Variants in SNX27 observed in about 807,000 individuals in gnomAD.
SNX27 encodes sorting nexin 27, also known as sorting nexin-27.
SNX27 carries 22 observed loss-of-function variants against 71.6 expected under a neutral mutation model. The observed-to-expected ratio is 0.31, with a 90% CI of 0.22 to 0.44. SNX27 has a LOEUF of 0.44. Ranked by LOEUF, SNX27 falls within the 20% of genes least tolerant of loss-of-function variation. The pLI, the probability that SNX27 is intolerant of heterozygous loss-of-function variation, is 1.00. For synonymous variants in SNX27, 269 were observed against 277.2 expected, an observed-to-expected ratio of 0.97 and a Z score of 0.29; for missense variants, 531 against 698.6, an observed-to-expected ratio of 0.76 and a Z score of 2.70.
chr1:151,694,446 A>T lies in SNX27; in HGVS notation c.*29A>T. 1 of 1,538,548 alleles carries T rather than the reference A, an allele frequency of 6.5e-7. No homozygotes were observed. The highest frequency in any genetic ancestry group is 8.8e-7 in the Non-Finnish European group (1 of 1,139,840). ...TTCCTTATCCCCTTCCCTTCCCTTC[A>T]CCCCCATCCTCTTACTCCTTTCATG... On this transcript the variant is annotated 3_prime_UTR_variant, in exon 12 of 12. Coordinates refer to ENST00000458013, the MANE Select transcript of SNX27 (RefSeq NM_001330723.2).
At chr1:151,675,843 T>TTTA (rs1670672322) in intron 7 of SNX27, 1 of 117,566 alleles carries the variant, frequency 8.5e-6, no homozygotes, top group Non-Finnish European at 1.7e-5. Context: ...TTTTTTTTTT[T>TTTA]TTATATAGGC....
chr1:151,638,757 TG>T, intron 1 of SNX27, 130 bp from the exon 2 acceptor site: 1 of 831,576 alleles, frequency 1.2e-6, no homozygotes, highest in Non-Finnish European at 1.9e-6. Flanking sequence ...ACAACTTTTC[TG>T]GAACCAAATT....
chr1:151,675,016 GTCC>G (rs1670616805), intron 7 of SNX27, among the ~76,000 whole-genome samples: 1 of 152,090 alleles, frequency 6.6e-6, no homozygotes, highest in Non-Finnish European at 1.5e-5. Flanking sequence ...CTTTCGGTCA[GTCC>G]TCCTTATTTT....
intron 1 of SNX27, among the ~76,000 whole-genome samples, chr1:151,625,312 C>T (rs1435108743): frequency 2.0e-5 from 3 of 152,020 alleles, no homozygotes; most frequent in Non-Finnish European, 2.9e-5. Flanking sequence ...TCGAGACTAG[C>T]CTGGCCAACA....
In SNX27 at chr1:151,612,224, G is replaced by C; in HGVS notation, c.23G>C (p.Gly8Ala). 1.4e-6 allele frequency: 2 copies of C among 1,387,204 alleles called. No homozygotes were observed. The highest frequency in any genetic ancestry group is 1.9e-6 in the Non-Finnish European group (2 of 1,070,254). The allele number at this position is 1,387,204 out of a possible 1,614,324, so 85.9% of individuals were successfully genotyped here. ...AAGATGGCGGACGAGGACGGGGAAG[G>C]GATTCATCCCTCAGCCCCTCACAGG... Reference protein sequence around the residue: MADEDGEGIHPSAPHRNG... With the variant: MADEDGEAIHPSAPHRNG... The change falls in exon 1 of 12, where the codon GGG becomes GCG. Residue 8 changes from glycine (G) to alanine (A), a missense_variant. This residue lies in a region of SNX27 where 130 missense variants were observed against 143.5 expected (regional missense o/e 0.91). Transcript: ENST00000458013. This position sits in a 1 kb window ranked among gnomAD's most constrained non-coding sequence, Gnocchi z 5.2.
intron 8 of SNX27, chr1:151,685,390 T>C (rs1310826393): frequency 6.6e-6 from 1 of 152,034 alleles, no homozygotes; most frequent in African/African-American, 2.4e-5. Flanking sequence ...GGAATAAGAA[T>C]GCAAACAGCT....
intron 1 of SNX27, among the ~76,000 whole-genome samples, chr1:151,619,550 C>T (rs982432185): frequency 5.9e-5 from 9 of 152,108 alleles, no homozygotes; most frequent in Non-Finnish European, 1.0e-4. Context: ...ATCCGCTTGC[C>T]TCGGCTTCCC....
At chr1:151,688,070 A>G (rs1466452122) in intron 8 of SNX27, among the ~76,000 whole-genome samples, 1 of 152,162 alleles carries the variant, frequency 6.6e-6, no homozygotes, top group African/African-American at 2.4e-5. Flanking sequence ...CTCTGGCTTA[A>G]ATGGGCCACT....
chr1:151,682,093 T>C (rs1473365981), intron 7 of SNX27, among the ~76,000 whole-genome samples: 2 of 152,248 alleles, frequency 1.3e-5, no homozygotes, highest in East Asian at 3.8e-4. Context: ...TTCAGTGCTC[T>C]CTAATTGTTT....
intron 1 of SNX27, among the ~76,000 whole-genome samples, chr1:151,622,765 T>G (rs2102600783): frequency 6.6e-6 from 1 of 152,182 alleles, no homozygotes; most frequent in Non-Finnish European, 1.5e-5. Context: ...TTTAGGAAAA[T>G]CATCATGGCT....
intron 1 of SNX27, chr1:151,613,178 T>G (rs920531755): frequency 6.6e-6 from 1 of 152,198 alleles, no homozygotes; most frequent in Non-Finnish European, 1.5e-5. Flanking sequence ...GTATTTCTAC[T>G]CCAAGAGTTT....
At chr1:151,675,081 G>T (rs1192514181) in intron 7 of SNX27, among the ~76,000 whole-genome samples, 2 of 151,968 alleles carry the variant, frequency 1.3e-5, no homozygotes, top group African/African-American at 4.8e-5. Context: ...CAGATTCTTC[G>T]GTCTTTTGGG....
chr1:151,612,106 G>A lies in SNX27; in HGVS notation c.-96G>A. 1 of 1,227,134 alleles carries A rather than the reference G, an allele frequency of 8.1e-7. No individual in the cohort carries two copies. The allele number at this position is 1,227,134 out of a possible 1,614,324, so 76.0% of individuals were successfully genotyped here. A position where few individuals can be genotyped will look rare whatever the true frequency, so the allele number is the denominator to read the frequency against. On this transcript the variant is annotated 5_prime_UTR_variant, in exon 1 of 12. Transcript: ENST00000458013. The surrounding 1 kb of genome is among the most constrained non-coding windows in gnomAD (Gnocchi z 5.2). ...GTCCCGCGGCCGGCGGATCGGGCGC[G>A]CGCGTCGGGGGTCGTCCGGCTGCCA...
At chr1:151,647,322 G>A (rs1160071416) in intron 2 of SNX27, among the ~76,000 whole-genome samples, 4 of 151,328 alleles carry the variant, frequency 2.6e-5, no homozygotes, top group Non-Finnish European at 5.9e-5. Context: ...GCTAATTTTT[G>A]TATTTGTAGT....
chr1:151,671,951 A>C (rs1413988016), intron 7 of SNX27, among the ~76,000 whole-genome samples: 1 of 152,202 alleles, frequency 6.6e-6, no homozygotes, highest in South Asian at 2.1e-4. Context: ...TCTGCAAACA[A>C]GGATAATTTT....
At chr1:151,616,226 A>G (rs1667419301) in intron 1 of SNX27, among the ~76,000 whole-genome samples, 1 of 152,234 alleles carries the variant, frequency 6.6e-6, no homozygotes, top group African/African-American at 2.4e-5. Context: ...ATAGTATGTG[A>G]AGTAACATTT....
At chr1:151,643,944 G>A (rs902668660) in intron 2 of SNX27, among the ~76,000 whole-genome samples, 3 of 152,218 alleles carry the variant, frequency 2.0e-5, no homozygotes, top group Non-Finnish European at 2.9e-5. Flanking sequence ...ACAGGCTTGA[G>A]CCACTGCGCC....
chr1:151,665,042 G>A (rs1186767588), intron 5 of SNX27, among the ~76,000 whole-genome samples: 1 of 152,176 alleles, frequency 6.6e-6, no homozygotes, highest in Non-Finnish European at 1.5e-5. Flanking sequence ...GATATGAGAA[G>A]AAGGGATATA....
At chr1:151,694,141 G>T (rs1447911336) in intron 11 of SNX27, 2 of 1,296,296 alleles carry the variant, frequency 1.5e-6, no homozygotes, top group Admixed American at 3.7e-5. Flanking sequence ...AGCCTCCCTA[G>T]CTTTCAGTTT....
Sources: allele counts gnomAD v4.1 joint callset (sites outside exome capture counted in the v4.1 genomes callset), GRCh38; gene constraint gnomAD v4.1.1; regional missense constraint gnomAD v4.1.1; non-coding constraint Gnocchi (gnomAD v3.1); transcripts MANE v1.5; gene names NCBI Gene and HGNC (gene_info 2026-07-23, HGNC 2026-07-21).